SPOCK1: variants seen among roughly 807,000 people sequenced by gnomAD.
SPOCK1 encodes testican-1.
SPOCK1 carries 23 observed loss-of-function variants against 55.3 expected under a neutral mutation model. That is an observed-to-expected ratio of 0.42 (90% CI 0.30 to 0.59). The LOEUF (loss-of-function observed/expected upper bound fraction) is 0.59. Ranked by LOEUF, SPOCK1 falls within the 20% of genes least tolerant of loss-of-function variation. The pLI is 0.22. For synonymous variants in SPOCK1, 226 were observed against 221.0 expected, an observed-to-expected ratio of 1.02 and a Z score of -0.20; for missense variants, 499 against 552.5, an observed-to-expected ratio of 0.90 and a Z score of 0.97.
intron 2 of SPOCK1, among the ~76,000 whole-genome samples, chr5:137,372,550 A>G (rs986657946): frequency 6.6e-6 from 1 of 152,250 alleles, no homozygotes; most frequent in Non-Finnish European, 1.5e-5. Flanking sequence ...TTTCAACAGC[A>G]CCCAACTGAT....
chr5:137,498,542 A>G lies in SPOCK1; in HGVS notation c.17T>C (p.Val6Ala). 6.5e-7 allele frequency: 1 copy of G among 1,529,430 alleles called. No individual in the cohort carries two copies. Among genetic ancestry groups the G allele is most frequent in the Non-Finnish European group, 8.7e-7 (1 of 1,144,734 alleles). The allele number at this position is 1,529,430 out of a possible 1,614,324, so 94.7% of individuals were successfully genotyped here. A position where few individuals can be genotyped will look rare whatever the true frequency, so the allele number is the denominator to read the frequency against. ...CCACGCCGCGGCGGCCGCCGCCAAC[A>G]CCGCGATCGCCGGCATCTGCGGGGC... MPAIA[V>A]LAAAAAAWCF... is the part of the protein sequence containing the mutation. The change falls in exon 2 of 11, where the codon GTG becomes GCG. Residue 6 changes from valine (V) to alanine (A), a missense_variant. Coordinates refer to ENST00000394945, the MANE Select transcript of SPOCK1 (RefSeq NM_004598.4).
chr5:137,039,788 C>T (rs961742696), intron 6 of SPOCK1, among the ~76,000 whole-genome samples: 2 of 152,202 alleles, frequency 1.3e-5, no homozygotes, highest in African/African-American at 4.8e-5. Context: ...ACAGAGCAGC[C>T]CCATCAAAGG....
At chr5:137,297,483 A>T (rs769532699) in intron 2 of SPOCK1, among the ~76,000 whole-genome samples, 2 of 152,366 alleles carry the variant, frequency 1.3e-5, no homozygotes, top group Non-Finnish European at 2.9e-5. Flanking sequence ...GTGATAAGAG[A>T]CATTTCTTCC....
At chr5:137,402,250 G>C (rs1474557548) in intron 2 of SPOCK1, among the ~76,000 whole-genome samples, 1 of 152,142 alleles carries the variant, frequency 6.6e-6, no homozygotes, top group Non-Finnish European at 1.5e-5. Flanking sequence ...GGTTTCTCTT[G>C]GAAAAGCTTT....
At chr5:137,029,535 T>C (rs1208316508) in intron 6 of SPOCK1, among the ~76,000 whole-genome samples, 1 of 152,192 alleles carries the variant, frequency 6.6e-6, no homozygotes, top group East Asian at 1.9e-4. Flanking sequence ...CCCAAGACTT[T>C]TTAGTGGAAG....
At chr5:137,157,184 C>T (rs1429187062) in intron 3 of SPOCK1, among the ~76,000 whole-genome samples, 1 of 152,092 alleles carries the variant, frequency 6.6e-6, no homozygotes, top group Non-Finnish European at 1.5e-5. Context: ...TCCATAAGAA[C>T]ACATCTTTTC....
rs569712151 is a variant in SPOCK1, at chr5:137,092,762, C to T, written c.474+19673G>A. Among the ~76,000 whole-genome samples, 143 of 152,338 alleles carry T rather than the reference C, an allele frequency of 9.4e-4. 6 individuals are homozygous for T. Among genetic ancestry groups the T allele is most frequent in the Middle Eastern group, 3.4e-3 (1 of 294 alleles). On this transcript the variant is annotated intron_variant, in intron 5 of 10. Transcript: ENST00000394945. Reference sequence around the variant, plus strand: ...GCACAGTGCCTCTTTCCAGCACTCACACTTGCACACATCAGTGTTTGGGCA... The same window carrying T: ...GCACAGTGCCTCTTTCCAGCACTCATACTTGCACACATCAGTGTTTGGGCA...
intron 3 of SPOCK1, among the ~76,000 whole-genome samples, chr5:137,155,130 G>A (rs1240210349): frequency 6.6e-6 from 1 of 152,190 alleles, no homozygotes; most frequent in Non-Finnish European, 1.5e-5. Context: ...GTAAGTGTTA[G>A]TTTCAACTCT....
intron 3 of SPOCK1, among the ~76,000 whole-genome samples, chr5:137,205,053 T>C (rs1755495074): frequency 6.6e-6 from 1 of 152,212 alleles, no homozygotes; most frequent in Non-Finnish European, 1.5e-5. Context: ...CCTATCACCG[T>C]ACGCCATTTG....
intron 2 of SPOCK1, among the ~76,000 whole-genome samples, chr5:137,486,970 G>A (rs951680821): frequency 1.3e-5 from 2 of 152,140 alleles, no homozygotes; most frequent in Non-Finnish European, 2.9e-5. Context: ...AGCCAACCAC[G>A]TCCACAGAAG....
At chr5:137,448,951 C>T (rs898175236) in intron 2 of SPOCK1, among the ~76,000 whole-genome samples, 1 of 152,180 alleles carries the variant, frequency 6.6e-6, no homozygotes, top group Non-Finnish European at 1.5e-5. Context: ...CTGATTTCCA[C>T]GGAGTTGTCA....
chr5:137,461,041 C>A (rs1326349687), intron 2 of SPOCK1, among the ~76,000 whole-genome samples: 1 of 152,186 alleles, frequency 6.6e-6, no homozygotes, highest in East Asian at 1.9e-4. Flanking sequence ...ATCAGAAATT[C>A]TAATATATGT....
At chr5:137,495,282 G>A (rs1374603658) in intron 2 of SPOCK1, among the ~76,000 whole-genome samples, 2 of 152,190 alleles carry the variant, frequency 1.3e-5, no homozygotes, top group East Asian at 3.8e-4. Flanking sequence ...GAGGTTGCCA[G>A]GTCACCTCTG....
intron 3 of SPOCK1, among the ~76,000 whole-genome samples, chr5:137,263,013 G>A (rs1756778474): frequency 6.6e-6 from 1 of 152,174 alleles, no homozygotes; most frequent in South Asian, 2.1e-4. Context: ...AATCAGAGAA[G>A]TTAAGCTACT....
chr5:137,276,536 A>G (rs967231866), intron 2 of SPOCK1, among the ~76,000 whole-genome samples: 3 of 152,216 alleles, frequency 2.0e-5, no homozygotes, highest in Admixed American at 6.5e-5. Flanking sequence ...ACCTCAGCAC[A>G]GCATTCATTT....
intron 3 of SPOCK1, among the ~76,000 whole-genome samples, chr5:137,202,779 G>A (rs944678705): frequency 2.0e-5 from 3 of 152,202 alleles, no homozygotes; most frequent in Admixed American, 6.5e-5. Context: ...AAATAACTTT[G>A]TAAAGGCTAA....
chr5:137,002,482 CAA>C (rs34057217), intron 6 of SPOCK1, among the ~76,000 whole-genome samples: 50 of 136,876 alleles, frequency 3.7e-4, no homozygotes, highest in Middle Eastern at 3.8e-3. Flanking sequence ...ACTCTGGGGC[CAA>C]AAAAAAAAAA....
At chr5:137,488,973 G>A (rs1754119327) in intron 2 of SPOCK1, among the ~76,000 whole-genome samples, 2 of 152,254 alleles carry the variant, frequency 1.3e-5, no homozygotes, top group South Asian at 4.1e-4. Flanking sequence ...TCTCTGGGGG[G>A]TATATTTTCA....
chr5:137,282,657 C>A (rs967405403), intron 2 of SPOCK1, among the ~76,000 whole-genome samples: 7 of 152,212 alleles, frequency 4.6e-5, no homozygotes, highest in Non-Finnish European at 8.8e-5. Context: ...TCCTTAGCTT[C>A]CAAATGATGC....
Sources: gnomAD v4.1 joint callset for allele counts (sites outside exome capture counted in the v4.1 genomes callset) on GRCh38, gnomAD v4.1.1 for gene constraint, MANE v1.5 for transcripts, NCBI Gene and HGNC (gene_info 2026-07-23, HGNC 2026-07-21) for gene names.